Variants in SIRPG observed in about 807,000 individuals in gnomAD.
SIRPG encodes the protein signal-regulatory protein gamma.
In SIRPG, 38 loss-of-function variants were observed where a neutral mutation model predicts 35.7. The observed-to-expected ratio is 1.06, with a 90% CI of 0.82 to 1.40. The LOEUF (loss-of-function observed/expected upper bound fraction) is 1.40. Ranked by LOEUF, SIRPG falls within the 40% of genes most tolerant of loss-of-function variation. The pLI is 0.00. For missense variants in SIRPG, 519 were observed against 483.0 expected (o/e 1.07, Z -0.70); for synonymous variants, 215 against 190.4 (o/e 1.13, Z -1.06).
Position 1,630,206 on chromosome 20 carries a change from C to T in SIRPG, c.*2+16G>A, listed in dbSNP as rs369504846. The stretch of plus-strand genomic sequence containing the variant: ...CTGAGACAGCCCTTGGTCTGTCCTC[C>T]CTTCCTTGTACTTACAGTCAGGTCT... On this transcript the variant is annotated intron_variant, in intron 5 of 5. Coordinates refer to ENST00000303415, the MANE Select transcript of SIRPG (RefSeq NM_018556.4). 4.5e-6 allele frequency: 7 copies of T among 1,544,022 alleles called. 1 individual carries two copies. The Middle Eastern group carries it at 1.2e-3, about 275-fold the overall frequency.
At chr20:1,671,590 T>C in the SIRPG span, among the ~76,000 whole-genome samples, 1 of 152,036 alleles carries the variant, frequency 6.6e-6, no homozygotes, top group Non-Finnish European at 1.5e-5. Flanking sequence ...ATAGAAAGTA[T>C]AGAGGTGTGG....
At chr20:1,686,371 C>G in the SIRPG span, among the ~76,000 whole-genome samples, 3 of 152,126 alleles carry the variant, frequency 2.0e-5, no homozygotes, top group Non-Finnish European at 4.4e-5. Context: ...AGGAAAGGAC[C>G]AGGAGGGTGG....
chr20:1,678,257 C>T, the SIRPG span, among the ~76,000 whole-genome samples: 1 of 152,000 alleles, frequency 6.6e-6, no homozygotes, highest in African/African-American at 2.4e-5. Flanking sequence ...GTGGGCCCAC[C>T]CTGATGCTAG....
upstream of SIRPG, among the ~76,000 whole-genome samples, chr20:1,661,773 G>A (rs970684108): frequency 1.3e-5 from 2 of 152,218 alleles, no homozygotes; most frequent in Non-Finnish European, 2.9e-5. Context: ...GGGAAGTTGT[G>A]GATGTCTGTG....
chr20:1,668,219 C>CT, the SIRPG span, among the ~76,000 whole-genome samples: 436 of 50,938 alleles, frequency 8.6e-3, 3 homozygotes, highest in African/African-American at 0.026. Context: ...TTCTTTCTTT[C>CT]TTTCTTTCTT....
At chr20:1,648,904 A>G in intron 2 of SIRPG, 148 bp downstream of exon 2, 1 of 748,594 alleles carries the variant, frequency 1.3e-6, no homozygotes, top group Non-Finnish European at 2.3e-6. Flanking sequence ...CCTGGGCTTC[A>G]ACTCACCTGA....
At chr20:1,656,006 G>C (rs1264986283) in intron 1 of SIRPG, among the ~76,000 whole-genome samples, 1 of 152,014 alleles carries the variant, frequency 6.6e-6, no homozygotes, top group Non-Finnish European at 1.5e-5. Flanking sequence ...AGGTTGTTTT[G>C]TGCATTAATT....
At chr20:1,654,239 A>T (rs1323379507) in intron 1 of SIRPG, among the ~76,000 whole-genome samples, 1 of 149,466 alleles carries the variant, frequency 6.7e-6, no homozygotes, top group Non-Finnish European at 1.5e-5. Context: ...CTGCATCTAA[A>T]AAAAAAAAAA....
rs770101637 is a variant in SIRPG at position 1,657,629 on chromosome 20, A to G, written c.73+13T>C. The G allele has an allele frequency of 6.2e-6, 10 of 1,613,802 alleles. No homozygotes were observed. Among genetic ancestry groups the G allele is most frequent in the East Asian group, 4.5e-5 (2 of 44,878 alleles). ...AGCAGGGAGAAAGGGTTCTAGCCCA[A>G]TGCAATGCTCACCTGTAAGTCCCAG... is the stretch of plus-strand genomic sequence containing the variant. On this transcript the variant is annotated intron_variant, in intron 1 of 5. Coordinates refer to ENST00000303415, the MANE Select transcript of SIRPG (RefSeq NM_018556.4).
chr20:1,633,945 T>A (rs1414974128), intron 4 of SIRPG, among the ~76,000 whole-genome samples: 2 of 152,206 alleles, frequency 1.3e-5, no homozygotes, highest in African/African-American at 4.8e-5. Flanking sequence ...AGATTTACTT[T>A]AATTAGTTTG....
intron 2 of SIRPG, among the ~76,000 whole-genome samples, chr20:1,648,834 A>C (rs545673236): frequency 6.6e-6 from 1 of 152,134 alleles, no homozygotes; most frequent in South Asian, 2.1e-4. Context: ...GACAGATTGA[A>C]GATGTAGTCT....
the SIRPG span, among the ~76,000 whole-genome samples, chr20:1,676,405 G>T: frequency 6.6e-6 from 1 of 152,122 alleles, no homozygotes; most frequent in Non-Finnish European, 1.5e-5. Context: ...ACAGAATACT[G>T]TAAAACAAAT....
chr20:1,630,566 A>T, intron 4 of SIRPG: 1 of 403,002 alleles, frequency 2.5e-6, no homozygotes, highest in Non-Finnish European at 4.4e-6. Flanking sequence ...AGGTATTCAT[A>T]CATGTGGCAA....
At chr20:1,653,055 G>A (rs1036471369) in intron 1 of SIRPG, among the ~76,000 whole-genome samples, 3 of 152,180 alleles carry the variant, frequency 2.0e-5, no homozygotes, top group African/African-American at 7.2e-5. Flanking sequence ...AAAAAAATCA[G>A]TTTGCAAACA....
the SIRPG span, among the ~76,000 whole-genome samples, chr20:1,671,523 G>A: frequency 1.1e-4 from 17 of 152,226 alleles, no homozygotes; most frequent in African/African-American, 2.9e-4. Flanking sequence ...AGAGAGTGCC[G>A]AGACCAGCTC....
At chr20:1,635,850 A>T (rs777023388) in intron 3 of SIRPG, among the ~76,000 whole-genome samples, 24 of 152,110 alleles carry the variant, frequency 1.6e-4, no homozygotes, top group Non-Finnish European at 2.9e-4. Flanking sequence ...TACAAGCACA[A>T]CCCCTGGCAT....
At chr20:1,631,153 A>G (rs1016258115) in intron 4 of SIRPG, among the ~76,000 whole-genome samples, 4 of 152,206 alleles carry the variant, frequency 2.6e-5, no homozygotes, top group African/African-American at 9.7e-5. Context: ...AGTTTGGGCC[A>G]TTAAAGATAT....
intron 2 of SIRPG, among the ~76,000 whole-genome samples, chr20:1,639,705 G>A (rs1411996062): frequency 6.6e-6 from 1 of 152,074 alleles, no homozygotes; most frequent in African/African-American, 2.4e-5. Flanking sequence ...CCATGCCTAT[G>A]CCTGAATGGT....
upstream of SIRPG, among the ~76,000 whole-genome samples, chr20:1,658,527 T>C (rs966455493): frequency 2.6e-5 from 4 of 152,128 alleles, no homozygotes; most frequent in Non-Finnish European, 4.4e-5. Context: ...CATTCATCAC[T>C]GAGTTCGGAT....
Sources: allele counts gnomAD v4.1 joint callset (sites outside exome capture counted in the v4.1 genomes callset), GRCh38; gene constraint gnomAD v4.1.1; transcripts MANE v1.5; gene names NCBI Gene and HGNC (gene_info 2026-07-23, HGNC 2026-07-21).